ADGRG3: variants seen among roughly 807,000 people sequenced by gnomAD.
The protein encoded by ADGRG3 is G protein-coupled receptor 97.
Under a neutral mutation model 54.3 loss-of-function variants are expected in ADGRG3, and 39 were observed. That is an observed-to-expected ratio of 0.72 (90% CI 0.56 to 0.94). The LOEUF (loss-of-function observed/expected upper bound fraction) is 0.94, where lower values mean the gene tolerates loss of function less well. Ranked by LOEUF, ADGRG3 falls within the 40% of genes least tolerant of loss-of-function variation. The pLI, the probability that ADGRG3 is intolerant of heterozygous loss-of-function variation, is 0.00. For missense variants in ADGRG3, 654 were observed against 694.6 expected, an observed-to-expected ratio of 0.94 and a Z score of 0.66; for synonymous variants, 312 against 290.0, an observed-to-expected ratio of 1.08 and a Z score of -0.77.
chr16:57,680,413 C>T (rs776810004), intron 7 of ADGRG3, 48 bp downstream of exon 7: 26 of 1,573,202 alleles, frequency 1.7e-5, no homozygotes, highest in Non-Finnish European at 2.0e-5. Context: ...GGGCTTCCAG[C>T]TCCTGCCCTG....
At chr16:57,678,824 C>A in intron 4 of ADGRG3, 1 of 356,992 alleles carries the variant, frequency 2.8e-6, no homozygotes, top group Non-Finnish European at 5.3e-6. Flanking sequence ...AATGCACACT[C>A]ACGCTAAGAC....
At chr16:57,667,544 G>A (rs973104142), upstream of ADGRG3, among the ~76,000 whole-genome samples, 36 of 152,370 alleles carry the variant, frequency 2.4e-4, no homozygotes, top group Admixed American at 1.5e-3. Flanking sequence ...AGGCGGCTCC[G>A]CCTGCGTCAT....
chr16:57,683,212 GT>G (rs567297089), intron 8 of ADGRG3, among the ~76,000 whole-genome samples: 3 of 152,088 alleles, frequency 2.0e-5, no homozygotes, highest in South Asian at 2.1e-4. Context: ...CATTCCAGGT[GT>G]TTTTTTTCTT....
upstream of ADGRG3, among the ~76,000 whole-genome samples, chr16:57,666,654 G>A (rs1261496558): frequency 6.6e-6 from 1 of 152,158 alleles, no homozygotes; most frequent in East Asian, 1.9e-4. Context: ...GTTGGGGGGG[G>A]TCTCAGGGTT....
At position 57,679,210 on chromosome 16, in the gene ADGRG3, G is replaced by T; in HGVS notation, c.526G>T (p.Val176Leu). The T allele has an allele frequency of 1.2e-6, 2 of 1,614,026 alleles. No individual in the cohort carries two copies. Among genetic ancestry groups the T allele is most frequent in the Non-Finnish European group, 1.7e-6 (2 of 1,179,938 alleles). Residue 176 changes from valine to leucine, a missense_variant, in exon 5 of 12, where the codon GTG becomes TTG. Physicochemically the swap from Val to Leu is conservative, Grantham distance 32 (BLOSUM62 1). Transcript: ENST00000333493. ...PRLGLGDGSG[V>L]LNNRLVGLSV... ...GCTCGGCCTGGGAGATGGCAGCGGC[G>T]TGTTGAACAATCGCCTGGTGGGTTT... is the stretch of plus-strand genomic sequence containing the variant.
intron 2 of ADGRG3, among the ~76,000 whole-genome samples, 162 bp downstream of exon 2, chr16:57,673,630 T>C (rs2048203885): frequency 1.3e-5 from 2 of 152,162 alleles, no homozygotes; most frequent in Admixed American, 1.3e-4. Context: ...AACATCCCCA[T>C]TCTAGCAGTT....
At chr16:57,675,145 C>T (rs1313189356) in intron 2 of ADGRG3, among the ~76,000 whole-genome samples, 1 of 151,772 alleles carries the variant, frequency 6.6e-6, no homozygotes, top group African/African-American at 2.4e-5. Context: ...AATATGATCT[C>T]TCCATATGAT....
rs2048348215 is a variant in ADGRG3, at chr16:57,680,498, C to G, written c.769-7C>G. On this transcript the variant is annotated splice_polypyrimidine_tract_variant and splice_region_variant and intron_variant, in intron 7 of 11. Transcript: ENST00000333493. ...TGACGTGGTCCCGGTTCTGGGGTCA[C>G]CCACAGAGACCCACCTTGGACCAGT... 3.7e-6 allele frequency: 6 copies of G among 1,610,432 alleles called. No individual in the cohort carries two copies. The highest frequency in any genetic ancestry group is 4.2e-6 in the Non-Finnish European group (5 of 1,176,876).
intron 3 of ADGRG3, among the ~76,000 whole-genome samples, chr16:57,676,762 G>C (rs2048272216): frequency 6.6e-6 from 1 of 152,242 alleles, no homozygotes; most frequent in African/African-American, 2.4e-5. Context: ...CACTTTGGGA[G>C]GCTGAGGTAG....
intron 8 of ADGRG3, chr16:57,682,732 C>T (rs1398692034): frequency 5.7e-6 from 4 of 700,826 alleles, no homozygotes; most frequent in Non-Finnish European, 1.8e-6. Flanking sequence ...AGTGGGGGCT[C>T]CAGAGAGAGG....
At position 57,680,321 on chromosome 16, in the gene ADGRG3, A is replaced by T. The variant is rs753874024; in HGVS notation, c.724A>T (p.Thr242Ser). 5.2e-5 allele frequency: 83 copies of T among 1,609,268 alleles called. No individual in the cohort carries two copies. The highest frequency in any genetic ancestry group is 4.4e-5 in the Non-Finnish European group (52 of 1,178,830). The change falls in exon 7 of 12, where the codon ACC becomes TCC. Residue 242 changes from threonine to serine, a missense_variant. Thr to Ser is a moderately conservative substitution (Grantham distance 58). Coordinates refer to ENST00000333493, the MANE Select transcript of ADGRG3 (RefSeq NM_170776.5). ...CTCCACGGAGGTCAGACCTGAGGGG[A>T]CCGTGTGCTGCTGTGACCACCTGAC... is the stretch of plus-strand genomic sequence containing the variant. ...GCSTEVRPEG[T>S]VCCCDHLTFF...
At chr16:57,668,220 G>A, upstream of ADGRG3, 1 of 717,144 alleles carries the variant, frequency 1.4e-6, no homozygotes, top group East Asian at 2.7e-5. Context: ...GAGCAGGAAG[G>A]GTGAGAAAGA....
intron 11 of ADGRG3, among the ~76,000 whole-genome samples, chr16:57,687,844 T>C (rs2048503209): frequency 6.6e-6 from 1 of 152,252 alleles, no homozygotes; most frequent in African/African-American, 2.4e-5. Context: ...TCTGTATTTC[T>C]CTCTTCCTCT....
chr16:57,683,937 C>A lies in ADGRG3; in HGVS notation c.887C>A (p.Ser296Tyr). 6.5e-7 allele frequency: 1 copy of A among 1,547,474 alleles called. No homozygotes were observed. The highest frequency in any genetic ancestry group is 8.7e-7 in the Non-Finnish European group (1 of 1,146,118). Residue 296 changes from serine to tyrosine, a missense_variant, in exon 9 of 12, where the codon TCC becomes TAC. Coordinates refer to ENST00000333493, the MANE Select transcript of ADGRG3 (RefSeq NM_170776.5). ...CCTCTTATTTCTCACCCCAGGCTTT[C>A]CCGGGAGAGGTTCAAGTCAGAAGAT... ...TIILYAFLRL[S>Y]RERFKSEDAP... is the part of the protein sequence containing the mutation.
At chr16:57,672,023 A>G (rs2048170662) in intron 1 of ADGRG3, among the ~76,000 whole-genome samples, 1 of 151,976 alleles carries the variant, frequency 6.6e-6, no homozygotes, top group Non-Finnish European at 1.5e-5. Context: ...ACATAAAAAA[A>G]GGAAAAACTA....
chr16:57,687,067 C>T (rs140447898), intron 11 of ADGRG3, among the ~76,000 whole-genome samples: 170 of 152,312 alleles, frequency 1.1e-3, no homozygotes, highest in African/African-American at 2.9e-3. Flanking sequence ...CTAGATGCAG[C>T]GGGTATAAGC....
chr16:57,680,592 A>G lies in ADGRG3; in HGVS notation c.856A>G (p.Thr286Ala), dbSNP rs2048350093. The change falls in exon 8 of 12, where the codon ACC becomes GCC. Residue 286 changes from threonine (T) to alanine (A), a missense_variant. Transcript: ENST00000333493. ...GGTCTCCATGATCTTCCTGGCCTTC[A>G]CCATTATTCTTTATGCCTTTCTGAG... Reference protein sequence around the residue: ...CGVSMIFLAFTIILYAFLRLS... With the variant: ...CGVSMIFLAFAIILYAFLRLS... The G allele has an allele frequency of 6.2e-7, 1 of 1,612,758 alleles. No individual in the cohort carries two copies. Among genetic ancestry groups the G allele is most frequent in the Non-Finnish European group, 8.5e-7 (1 of 1,179,254 alleles).
intron 8 of ADGRG3, chr16:57,682,672 C>A (rs555314269): frequency 1.0e-6 from 1 of 980,414 alleles, no homozygotes; most frequent in Non-Finnish European, 1.2e-6. Context: ...GCCCCCGGCT[C>A]CCCTCCCTCG....
At chr16:57,669,475 C>T (rs745411755) in intron 1 of ADGRG3, among the ~76,000 whole-genome samples, 7 of 152,180 alleles carry the variant, frequency 4.6e-5, no homozygotes, top group Non-Finnish European at 1.0e-4. Flanking sequence ...CAGCTGTGAC[C>T]AGGGCTCATG....
Sources: allele counts gnomAD v4.1 joint callset (sites outside exome capture counted in the v4.1 genomes callset), GRCh38; gene constraint gnomAD v4.1.1; transcripts MANE v1.5; gene names NCBI Gene and HGNC (gene_info 2026-07-23, HGNC 2026-07-21).